CD244: variants seen among roughly 807,000 people sequenced by gnomAD.
The protein encoded by CD244 is natural killer cell receptor 2B4.
In CD244, 20 loss-of-function variants were observed where a neutral mutation model predicts 45.5. The ratio of observed to expected loss-of-function variants is 0.44; its 90% CI spans 0.31 to 0.64. CD244 has a LOEUF of 0.64. Among genes scored for constraint, CD244 ranks in the 30% least tolerant of loss-of-function variants. The probability of loss-of-function intolerance (pLI) is 0.08; values close to 1 mark genes in which losing one functional copy is unlikely to be tolerated. For missense variants in CD244, 407 were observed against 426.9 expected (o/e 0.95, Z 0.41); for synonymous variants, 185 against 160.5 (o/e 1.15, Z -1.15).
At position 160,841,823 on chromosome 1, in the gene CD244, T is replaced by G; in HGVS notation, c.140A>C (p.Lys47Thr). The G allele has an allele frequency of 1.9e-6, 3 of 1,614,132 alleles. No individual in the cohort carries two copies. The highest frequency in any genetic ancestry group is 2.5e-6 in the Non-Finnish European group (3 of 1,179,998). Residue 47 changes from lysine to threonine, a missense_variant, in exon 2 of 9, where the codon AAG becomes ACG. Physicochemically the swap from Lys to Thr is moderately conservative, Grantham distance 78. Transcript: ENST00000368034. ...CTTCTTCCATGCAATGCTGTCAACC[T>G]TCGTCTGTATGCTGTTTGGTTGTAA... is the stretch of plus-strand genomic sequence containing the variant. ...LQLQPNSIQTKVDSIAWKKLL... is the reference protein window; with the variant it reads ...LQLQPNSIQTTVDSIAWKKLL...
intron 1 of CD244, among the ~76,000 whole-genome samples, chr1:160,856,334 G>A (rs1670104627): frequency 6.6e-6 from 1 of 152,116 alleles, no homozygotes; most frequent in South Asian, 2.1e-4. Flanking sequence ...CCTAGCCCAA[G>A]TCCCACTCTT....
chr1:160,837,561 G>A (rs1009872829), intron 5 of CD244, among the ~76,000 whole-genome samples: 2 of 152,248 alleles, frequency 1.3e-5, no homozygotes, highest in African/African-American at 2.4e-5. Flanking sequence ...AGAGGCATCT[G>A]GGAGAGGATG....
intron 1 of CD244, among the ~76,000 whole-genome samples, chr1:160,845,224 A>C (rs963106981): frequency 1.3e-5 from 2 of 152,218 alleles, no homozygotes; most frequent in African/African-American, 4.8e-5. Flanking sequence ...TGAAAATTAC[A>C]GAAATAAAAT....
chr1:160,852,056 T>TCAATAATAGACTGATGA (rs1178817858), intron 1 of CD244, among the ~76,000 whole-genome samples: 2 of 152,050 alleles, frequency 1.3e-5, no homozygotes, highest in African/African-American at 2.4e-5. Context: ...AAGAATTCCA[T>TCAATAATAGACTGATGA]CAATAATAGA....
At chr1:160,855,185 G>T (rs1297492152) in intron 1 of CD244, among the ~76,000 whole-genome samples, 5 of 152,226 alleles carry the variant, frequency 3.3e-5, no homozygotes, top group African/African-American at 1.2e-4. Flanking sequence ...GTTTGTGGAG[G>T]CTGAGATAGT....
At chr1:160,851,849 T>A (rs1385363580) in intron 1 of CD244, among the ~76,000 whole-genome samples, 2 of 152,014 alleles carry the variant, frequency 1.3e-5, no homozygotes, top group African/African-American at 4.8e-5. Flanking sequence ...AGACAACAAA[T>A]GTTTCTTTAA....
rs1358674284 is a variant in CD244 at position 160,848,171 on chromosome 1, A to G, written c.62-6270T>C. 3 of 501,588 alleles carry G rather than the reference A, an allele frequency of 6.0e-6. No homozygotes were observed. In the East Asian group the frequency reaches 1.5e-4, roughly 25 times the overall value. The allele number at this position is 501,588 out of a possible 1,614,324, so 31.1% of individuals were successfully genotyped here. On this transcript the variant is annotated intron_variant, in intron 1 of 8. Coordinates refer to ENST00000368034, the MANE Select transcript of CD244 (RefSeq NM_016382.4). Reference sequence around the variant, plus strand: ...TGGTTACAAGAGCTCCTGCTCTCACAGGATTATTGCAGAATTTATGTGCCA... The same window carrying G: ...TGGTTACAAGAGCTCCTGCTCTCACGGGATTATTGCAGAATTTATGTGCCA...
chr1:160,836,566 A>G (rs994865460), intron 5 of CD244, among the ~76,000 whole-genome samples: 1 of 152,210 alleles, frequency 6.6e-6, no homozygotes, highest in African/African-American at 2.4e-5. Context: ...AGCTCTGAGT[A>G]GGGCTGTTAT....
At chr1:160,849,279 C>CTTCCTT (rs1669837411) in intron 1 of CD244, among the ~76,000 whole-genome samples, 1 of 108,262 alleles carries the variant, frequency 9.2e-6, no homozygotes, top group Non-Finnish European at 1.9e-5. Context: ...GTACCCATCT[C>CTTCCTT]TTTCTTTTTT....
intron 1 of CD244, among the ~76,000 whole-genome samples, chr1:160,843,783 G>T (rs533977489): frequency 2.2e-4 from 34 of 152,326 alleles, no homozygotes; most frequent in Non-Finnish European, 4.3e-4. Context: ...TCTGGAAGAA[G>T]GAAATTCAGA....
At chr1:160,837,122 A>G (rs1557832537) in intron 5 of CD244, among the ~76,000 whole-genome samples, 1 of 152,216 alleles carries the variant, frequency 6.6e-6, no homozygotes, top group Non-Finnish European at 1.5e-5. Context: ...CTTGAGATTT[A>G]GGCCTTCAAA....
intron 1 of CD244, among the ~76,000 whole-genome samples, chr1:160,857,265 T>C (rs1670143613): frequency 6.6e-6 from 1 of 152,252 alleles, no homozygotes; most frequent in South Asian, 2.1e-4. Flanking sequence ...TGACAGCATC[T>C]GCTAGAGTTA....
chr1:160,853,782 T>TA (rs5778184), intron 1 of CD244, among the ~76,000 whole-genome samples: 2,708 of 94,526 alleles, frequency 0.029, 251 homozygotes, highest in African/African-American at 0.1. Context: ...AGACCCTGCC[T>TA]AAAAAAAAAA....
intron 8 of CD244, 43 bp from the exon 9 acceptor site, chr1:160,831,470 G>T (rs1426904609): frequency 2.2e-6 from 3 of 1,354,400 alleles, no homozygotes; most frequent in Non-Finnish European, 3.2e-6. Context: ...GCACTGGGAG[G>T]TCCTTATCAC....
rs548445893 is a variant in CD244 at position 160,842,396 on chromosome 1, G to A, written c.62-495C>T. On this transcript the variant is annotated intron_variant, in intron 1 of 8. Coordinates refer to ENST00000368034, the MANE Select transcript of CD244 (RefSeq NM_016382.4). ...CTCCCTAGTAGCTGGGAGCACAGGT[G>A]CTAGGGAGCTTATTTGTTTACTCTT... Among the ~76,000 whole-genome samples, 40 of 152,166 alleles carry A rather than the reference G, an allele frequency of 2.6e-4. No individual in the cohort carries two copies. The South Asian group carries it at 7.3e-3, about 28-fold the overall frequency.
chr1:160,837,326 ACCC>A (rs1669369152), intron 5 of CD244, among the ~76,000 whole-genome samples: 1 of 152,072 alleles, frequency 6.6e-6, no homozygotes, highest in South Asian at 2.1e-4. Context: ...TTTAGCAAGC[ACCC>A]GGGCATCACT....
chr1:160,842,912 T>C (rs1669594958), intron 1 of CD244, among the ~76,000 whole-genome samples: 1 of 152,168 alleles, frequency 6.6e-6, no homozygotes, highest in Non-Finnish European at 1.5e-5. Flanking sequence ...CTATGTGGCA[T>C]GGCCCAGCAG....
chr1:160,854,703 A>C (rs1052523595), intron 1 of CD244, among the ~76,000 whole-genome samples: 3 of 152,170 alleles, frequency 2.0e-5, no homozygotes, highest in Non-Finnish European at 2.9e-5. Flanking sequence ...CTAAATACTT[A>C]AAGAATGAAA....
At chr1:160,852,023 A>G (rs1669935935) in intron 1 of CD244, among the ~76,000 whole-genome samples, 1 of 152,244 alleles carries the variant, frequency 6.6e-6, no homozygotes, top group Admixed American at 6.5e-5. Context: ...CATTTGAAAA[A>G]GGGCTCATAT....
Sources: allele counts gnomAD v4.1 joint callset (sites outside exome capture counted in the v4.1 genomes callset), GRCh38; gene constraint gnomAD v4.1.1; transcripts MANE v1.5; gene names NCBI Gene and HGNC (gene_info 2026-07-23, HGNC 2026-07-21).